Variants in EHMT1 observed in about 807,000 individuals in gnomAD.
EHMT1 encodes the protein euchromatic histone lysine methyltransferase 1.
In EHMT1, 15 loss-of-function variants were observed where a neutral mutation model predicts 147.2. The ratio of observed to expected loss-of-function variants is 0.10; its 90% CI spans 0.07 to 0.16. EHMT1 has a LOEUF of 0.16. EHMT1 is among the 10% of genes least tolerant of loss of function. The pLI is 1.00. For missense variants in EHMT1, 1,587 were observed against 1,772.4 expected (o/e 0.90, Z 1.88); for synonymous variants, 795 against 709.6 (o/e 1.12, Z -1.91).
intron 7 of EHMT1, 110 bp downstream of exon 7, chr9:137,752,518 A>C: frequency 3.1e-6 from 4 of 1,280,424 alleles, no homozygotes; most frequent in Non-Finnish European, 4.4e-6. Context: ...GCGCTCACCC[A>C]TGTGCTTGGA....
intron 3 of EHMT1, among the ~76,000 whole-genome samples, chr9:137,721,732 T>G (rs1403714158): frequency 6.6e-6 from 1 of 152,242 alleles, no homozygotes; most frequent in South Asian, 2.1e-4. Context: ...TCTTTCAGAC[T>G]TCTGCTCGTT....
chr9:137,833,564 G>A (rs1378440693), intron 25 of EHMT1, among the ~76,000 whole-genome samples: 1 of 152,236 alleles, frequency 6.6e-6, no homozygotes, highest in East Asian at 1.9e-4. Flanking sequence ...GGTCTCCAGA[G>A]AGAATTGCTT....
chr9:137,640,281 T>C (rs1457452429), intron 1 of EHMT1, among the ~76,000 whole-genome samples: 1 of 151,830 alleles, frequency 6.6e-6, no homozygotes, highest in Non-Finnish European at 1.5e-5. Context: ...TTGTTTTGTT[T>C]TATTTTTGTG....
At chr9:137,769,189 G>C (rs1950439013) in intron 10 of EHMT1, among the ~76,000 whole-genome samples, 1 of 152,080 alleles carries the variant, frequency 6.6e-6, no homozygotes, top group Non-Finnish European at 1.5e-5. Context: ...GTCCTGTCTT[G>C]TATCTTGTTT....
At position 137,834,353 on chromosome 9, in the gene EHMT1, G is replaced by A. The variant is rs752220710; in HGVS notation, c.3545G>A (p.Gly1182Glu). Residue 1182 changes from glycine to glutamate, a missense_variant, in exon 26 of 27, where the codon GGG becomes GAG. Transcript: ENST00000460843. Reference protein sequence around the residue: ...SYLFDLDNKDGEVYCIDARFY... With the variant: ...SYLFDLDNKDEEVYCIDARFY... ...TGCCGGCTTCTCGCCCTGCAGGACG[G>A]GGAGGTTTACTGCATCGACGCGCGG... is the stretch of plus-strand genomic sequence containing the variant. 1.9e-6 allele frequency: 3 copies of A among 1,613,032 alleles called. No homozygotes were observed. The highest frequency in any genetic ancestry group is 2.7e-5 in the African/African-American group (2 of 75,046).
At chr9:137,632,560 C>T (rs374778352) in intron 1 of EHMT1, among the ~76,000 whole-genome samples, 2 of 152,154 alleles carry the variant, frequency 1.3e-5, no homozygotes, top group Non-Finnish European at 2.9e-5. Context: ...CGTGCCACCA[C>T]ACCTAGGTAA....
chr9:137,712,464 G>T (rs1424509713), intron 2 of EHMT1, among the ~76,000 whole-genome samples: 1 of 152,144 alleles, frequency 6.6e-6, no homozygotes, highest in Non-Finnish European at 1.5e-5. Flanking sequence ...CCATTTCTTA[G>T]TGTCTGTGGC....
intron 18 of EHMT1, chr9:137,803,461 C>A: frequency 3.6e-6 from 1 of 278,470 alleles, no homozygotes; most frequent in Non-Finnish European, 5.4e-6. Context: ...TCACCATGGG[C>A]AGCTTTCCCT....
At chr9:137,694,403 G>C in intron 1 of EHMT1, among the ~76,000 whole-genome samples, 1 of 151,946 alleles carries the variant, frequency 6.6e-6, no homozygotes, top group East Asian at 1.9e-4. Flanking sequence ...CAGTGGCACA[G>C]GACACTGGCC....
In EHMT1 at chr9:137,828,512, G is replaced by A. The variant is rs1490741361; in HGVS notation, c.3541-5837G>A. ...GACCCCATGACCTCTAGGGTCACGC[G>A]GAGGCTCCTGGGGTCAGACTGAGAA... On this transcript the variant is annotated intron_variant, in intron 25 of 26. Coordinates refer to ENST00000460843, the MANE Select transcript of EHMT1 (RefSeq NM_024757.5). This position sits in a 1 kb window ranked among gnomAD's most constrained non-coding sequence, Gnocchi z 5.3. 1.3e-5 allele frequency among the ~76,000 whole-genome samples: 2 copies of A among 151,732 alleles called. No homozygotes were observed. The highest frequency in any genetic ancestry group is 2.9e-5 in the Non-Finnish European group (2 of 67,926).
chr9:137,799,342 C>G (rs570239783), intron 17 of EHMT1, among the ~76,000 whole-genome samples: 1 of 152,272 alleles, frequency 6.6e-6, no homozygotes, highest in East Asian at 1.9e-4. Context: ...CTAGGTATTA[C>G]CATTTGAGGG....
At chr9:137,669,923 T>G (rs1564564184) in intron 1 of EHMT1, among the ~76,000 whole-genome samples, 1 of 152,052 alleles carries the variant, frequency 6.6e-6, no homozygotes, top group South Asian at 2.1e-4. Context: ...TAATCTCGGC[T>G]CTCTGCAACC....
chr9:137,624,608 C>T (rs148649955), intron 1 of EHMT1, among the ~76,000 whole-genome samples: 1,537 of 152,210 alleles, frequency 0.01, 19 homozygotes, highest in African/African-American at 0.035. Flanking sequence ...GTTTGAGCCA[C>T]CATGCCTGGA....
chr9:137,682,551 G>A (rs1053813088), intron 1 of EHMT1, among the ~76,000 whole-genome samples: 5 of 152,154 alleles, frequency 3.3e-5, no homozygotes, highest in African/African-American at 4.8e-5. Context: ...TTTGCTAGCC[G>A]CTGGGATGCC....
At chr9:137,822,120 A>T (rs1955464995) in intron 25 of EHMT1, among the ~76,000 whole-genome samples, 1 of 152,162 alleles carries the variant, frequency 6.6e-6, no homozygotes, top group South Asian at 2.1e-4. Context: ...ATCCTGGTGG[A>T]TGAGTTCCAC....
At position 137,811,599 on chromosome 9, in the gene EHMT1, C is replaced by T. The variant is rs146451775; in HGVS notation, c.2851C>T (p.Arg951Cys). ...ACTGCACATTGCCGCCCGGGAGAAC[C>T]GCTACGACTGTGTCGTGTGAGTGCA... ...SPLHIAAREN[R>C]YDCVVLFLSR... Residue 951 changes from arginine (R) to cysteine (C), a missense_variant, in exon 19 of 27, where the codon CGC becomes TGC. By Grantham distance (180) the Arg-to-Cys change is radical (BLOSUM62 -3). This residue lies in a region of EHMT1 where 201 missense variants were observed against 350.1 expected (regional missense o/e 0.57). Transcript: ENST00000460843. The T allele has an allele frequency of 2.5e-6, 4 of 1,602,590 alleles. No homozygotes were observed. Among genetic ancestry groups the T allele is most frequent in the South Asian group, 1.1e-5 (1 of 91,088 alleles).
At chr9:137,814,303 C>G (rs1333040144) in intron 21 of EHMT1, 128 bp from the exon 22 acceptor site, 4 of 969,128 alleles carry the variant, frequency 4.1e-6, no homozygotes, top group Non-Finnish European at 4.9e-6. Context: ...GCCACACACT[C>G]ACGTGGTGCC....
At chr9:137,812,828 C>T (rs1217562420) in intron 19 of EHMT1, among the ~76,000 whole-genome samples, 178 bp from the exon 20 acceptor site, 1 of 152,258 alleles carries the variant, frequency 6.6e-6, no homozygotes. Flanking sequence ...GAATCATGTT[C>T]CTGGGTGAGC....
chr9:137,833,747 C>G (rs1203154068), intron 25 of EHMT1, among the ~76,000 whole-genome samples: 2 of 152,270 alleles, frequency 1.3e-5, no homozygotes, highest in Non-Finnish European at 2.9e-5. Flanking sequence ...GCCTCAGTCT[C>G]TTCGGCCTCG....
Sources: gnomAD v4.1 joint callset for allele counts (sites outside exome capture counted in the v4.1 genomes callset) on GRCh38, gnomAD v4.1.1 for gene constraint, gnomAD v4.1.1 regional missense constraint, Gnocchi (gnomAD v3.1) non-coding constraint, MANE v1.5 for transcripts, NCBI Gene and HGNC (gene_info 2026-07-23, HGNC 2026-07-21) for gene names.